The following SLCO2A1 variants were observed in gnomAD, a reference collection of about 807,000 sequenced individuals.
The protein encoded by SLCO2A1 is solute carrier organic anion transporter family member 2A1, also known as matrin F/G 1.
Under a neutral mutation model 71.7 loss-of-function variants are expected in SLCO2A1, and 60 were observed. That is an observed-to-expected ratio of 0.84 (90% CI 0.68 to 1.04). SLCO2A1 has a LOEUF of 1.04. SLCO2A1 is among the 50% of genes least tolerant of loss of function. The pLI, the probability that SLCO2A1 is intolerant of heterozygous loss-of-function variation, is 0.00. For missense variants in SLCO2A1, 745 were observed against 813.4 expected (o/e 0.92, Z 1.02); for synonymous variants, 308 against 326.7 (o/e 0.94, Z 0.62).
At chr3:134,020,148 G>A (rs1031811639) in intron 1 of SLCO2A1, among the ~76,000 whole-genome samples, 1 of 152,048 alleles carries the variant, frequency 6.6e-6, no homozygotes, top group African/African-American at 2.4e-5. Context: ...CCCCCTGCTT[G>A]CTCAATGGAT....
chr3:134,010,789 AACTC>A (rs2108074478), intron 1 of SLCO2A1, among the ~76,000 whole-genome samples: 1 of 148,750 alleles, frequency 6.7e-6, no homozygotes, highest in South Asian at 2.1e-4. Flanking sequence ...ATCTCCTGAG[AACTC>A]ACTCACTATC....
chr3:134,016,203 A>G (rs1336821746), intron 1 of SLCO2A1, among the ~76,000 whole-genome samples: 2 of 152,160 alleles, frequency 1.3e-5, no homozygotes. Context: ...TCAAAATTAA[A>G]CATTTTCTCT....
chr3:133,963,289 G>T (rs770458040), intron 3 of SLCO2A1, among the ~76,000 whole-genome samples: 2 of 151,236 alleles, frequency 1.3e-5, no homozygotes, highest in Non-Finnish European at 3.0e-5. Context: ...GCAGGCCAAG[G>T]TCTAGCCATG....
chr3:133,994,842 C>T (rs1485400730), intron 1 of SLCO2A1, among the ~76,000 whole-genome samples: 1 of 152,102 alleles, frequency 6.6e-6, no homozygotes, highest in African/African-American at 2.4e-5. Context: ...AACCAAGCTC[C>T]AAGTCCACTC....
intron 13 of SLCO2A1, among the ~76,000 whole-genome samples, chr3:133,935,293 G>A (rs1933240450): frequency 6.6e-6 from 1 of 152,208 alleles, no homozygotes; most frequent in South Asian, 2.1e-4. Context: ...CAGGTGAGGT[G>A]GCTGGAAGGG....
At chr3:133,979,278 T>C (rs981454124) in intron 2 of SLCO2A1, among the ~76,000 whole-genome samples, 4 of 152,232 alleles carry the variant, frequency 2.6e-5, no homozygotes, top group Non-Finnish European at 4.4e-5. Flanking sequence ...TTCAGCTCAG[T>C]ACCTGGCACA....
At chr3:133,959,695 A>G (rs917985341) in intron 3 of SLCO2A1, among the ~76,000 whole-genome samples, 1 of 151,330 alleles carries the variant, frequency 6.6e-6, no homozygotes, top group African/African-American at 2.4e-5. Flanking sequence ...GCATGGTGGT[A>G]CGTGCCTGTA....
At chr3:134,025,300 T>A (rs1044903425) in intron 1 of SLCO2A1, among the ~76,000 whole-genome samples, 1 of 152,156 alleles carries the variant, frequency 6.6e-6, no homozygotes, top group Admixed American at 6.5e-5. Context: ...ACTTGTTGTA[T>A]AATATAATTC....
rs1046195800 is a variant in SLCO2A1, at chr3:133,948,767, C to A, written c.941-67G>T. ...GCTGCAGGCACACCTAGGGGATGGGCCAGTTACAGGCCCTCTGCTCCTACT... is the reference window on the plus strand; with the variant it reads ...GCTGCAGGCACACCTAGGGGATGGGACAGTTACAGGCCCTCTGCTCCTACT... On this transcript the variant is annotated intron_variant, in intron 7 of 13. Coordinates refer to ENST00000310926, the MANE Select transcript of SLCO2A1 (RefSeq NM_005630.3). 9 of 1,595,136 alleles carry A rather than the reference C, an allele frequency of 5.6e-6. No individual in the cohort carries two copies. The African/African-American group carries it at 6.7e-5, about 12-fold the overall frequency.
At chr3:133,972,988 C>T (rs1416163888) in intron 3 of SLCO2A1, among the ~76,000 whole-genome samples, 3 of 152,066 alleles carry the variant, frequency 2.0e-5, no homozygotes, top group Admixed American at 6.5e-5. Flanking sequence ...TTATAAATAA[C>T]AGTATAGTAA....
chr3:134,001,050 C>T (rs1018804907), intron 1 of SLCO2A1, among the ~76,000 whole-genome samples: 1 of 151,998 alleles, frequency 6.6e-6, no homozygotes, highest in Non-Finnish European at 1.5e-5. Flanking sequence ...TGATCCCTGG[C>T]TTCTGAGAAA....
intron 1 of SLCO2A1, 97 bp from the exon 2 acceptor site, chr3:133,979,715 T>G: frequency 7.4e-7 from 1 of 1,353,882 alleles, no homozygotes; most frequent in Non-Finnish European, 1.0e-6. Context: ...GACCTCTGTT[T>G]CCTCGCCTGT....
intron 1 of SLCO2A1, among the ~76,000 whole-genome samples, chr3:133,985,705 C>T (rs1411067131): frequency 6.6e-6 from 1 of 152,176 alleles, no homozygotes; most frequent in African/African-American, 2.4e-5. Context: ...AACAAATCCA[C>T]AGTGCATGAA....
chr3:134,019,131 CA>C (rs1324606943), intron 1 of SLCO2A1, among the ~76,000 whole-genome samples: 2 of 152,154 alleles, frequency 1.3e-5, no homozygotes, highest in Non-Finnish European at 2.9e-5. Flanking sequence ...TGTTAAACAG[CA>C]TAGTGTTGAT....
intron 1 of SLCO2A1, among the ~76,000 whole-genome samples, chr3:133,993,545 G>A (rs1467555079): frequency 6.6e-6 from 1 of 152,112 alleles, no homozygotes; most frequent in Non-Finnish European, 1.5e-5. Context: ...CAGGTCAGCT[G>A]GAAGCCTGGT....
In SLCO2A1 at chr3:133,934,523, T is replaced by G; in HGVS notation, c.*190A>C. ...CCAGTTCTGGCCCACACAGCCCGGGTACACAGTGGCCCTTAGGAACTGTGG... is the reference window on the plus strand; with the variant it reads ...CCAGTTCTGGCCCACACAGCCCGGGGACACAGTGGCCCTTAGGAACTGTGG... On this transcript the variant is annotated 3_prime_UTR_variant, in exon 14 of 14. Coordinates refer to ENST00000310926, the MANE Select transcript of SLCO2A1 (RefSeq NM_005630.3). 2 of 518,520 alleles carry G rather than the reference T, an allele frequency of 3.9e-6. No individual in the cohort carries two copies. 32.1% of individuals were successfully genotyped at this position (518,520 alleles called of 1,614,324 possible). A position where few individuals can be genotyped will look rare whatever the true frequency, so the allele number is the denominator to read the frequency against.
chr3:133,946,793 G>C (rs1933588896), intron 9 of SLCO2A1, among the ~76,000 whole-genome samples: 1 of 152,122 alleles, frequency 6.6e-6, no homozygotes, highest in African/African-American at 2.4e-5. Context: ...TTCAAGACCT[G>C]ATTTTCTAAG....
At chr3:133,994,171 C>T (rs912705618) in intron 1 of SLCO2A1, among the ~76,000 whole-genome samples, 76 of 152,258 alleles carry the variant, frequency 5.0e-4, no homozygotes, top group African/African-American at 1.7e-3. Flanking sequence ...CTGTGTCTGG[C>T]GGACTATCTG....
chr3:133,936,019 A>T, intron 12 of SLCO2A1, 122 bp from the exon 13 acceptor site: 1 of 995,116 alleles, frequency 1.0e-6, no homozygotes, highest in Non-Finnish European at 1.4e-6. Flanking sequence ...CCGTACCCAT[A>T]GGACTCACAG....
Sources: allele counts gnomAD v4.1 joint callset (sites outside exome capture counted in the v4.1 genomes callset), GRCh38; gene constraint gnomAD v4.1.1; transcripts MANE v1.5; gene names NCBI Gene and HGNC (gene_info 2026-07-23, HGNC 2026-07-21).